The following CCP110 variants were observed in gnomAD, a reference collection of about 807,000 sequenced individuals.
The protein encoded by CCP110 is centriolar coiled-coil protein 110.
A neutral mutation model predicts 105.5 loss-of-function variants in CCP110; 43 were observed. That is an observed-to-expected ratio of 0.41 (90% CI 0.32 to 0.53). The LOEUF (loss-of-function observed/expected upper bound fraction) is 0.53. CCP110 is among the 20% of genes least tolerant of loss of function. The probability of loss-of-function intolerance (pLI) is 0.32; values close to 1 mark genes in which losing one functional copy is unlikely to be tolerated. For synonymous variants in CCP110, 353 were observed against 392.1 expected (o/e 0.90, Z 1.18); for missense variants, 1,016 against 1,189.1 (o/e 0.85, Z 2.14).
exon 7 of CCP110, chr16:19,542,628 A>C (rs72767539): frequency 0.034 from 55,504 of 1,609,354 alleles, 1,158 homozygotes; most frequent in Non-Finnish European, 0.04. Flanking sequence ...TAGGTTTCAC[A>C]AATTCTGCCA....
At chr16:19,530,645 T>C (rs1444629384) in intron 2 of CCP110, among the ~76,000 whole-genome samples, 1 of 150,286 alleles carries the variant, frequency 6.7e-6, no homozygotes, top group Non-Finnish European at 1.5e-5. Flanking sequence ...ATCGAGCCAC[T>C]GCACAACAGC....
chr16:19,529,251 C>T (rs1404128986), intron 2 of CCP110, among the ~76,000 whole-genome samples: 4 of 152,292 alleles, frequency 2.6e-5, no homozygotes, highest in South Asian at 2.1e-4. Context: ...CTTCATCATA[C>T]ACCCTTTGAT....
chr16:19,543,140 C>A, intron 8 of CCP110, 146 bp downstream of exon 8: 1 of 571,300 alleles, frequency 1.8e-6, no homozygotes, highest in Non-Finnish European at 3.1e-6. Context: ...TTGTTTGTTG[C>A]GGGAAGTCAG....
chr16:19,541,670 GAGAGAGAGAGAGAA>G (rs1970288463), intron 5 of CCP110, among the ~76,000 whole-genome samples: 1 of 147,624 alleles, frequency 6.8e-6, no homozygotes, highest in Admixed American at 6.8e-5. Context: ...GAGAGAGAGA[GAGAGAGAGAGAGAA>G]AGGAAGGAAG....
chr16:19,528,822 T>A (rs1180694626), intron 2 of CCP110, among the ~76,000 whole-genome samples: 1 of 152,084 alleles, frequency 6.6e-6, no homozygotes, highest in African/African-American at 2.4e-5. Flanking sequence ...CGCTTGAACC[T>A]AGGAGTTGCA....
At chr16:19,544,671 C>G in intron 8 of CCP110, 126 bp from the exon 9 acceptor site, 1 of 611,630 alleles carries the variant, frequency 1.6e-6, no homozygotes, top group Non-Finnish European at 2.9e-6. Context: ...ATTCATGGAA[C>G]CAGTCCCCCA....
At chr16:19,534,872 C>CTTTTTTTTTTTTTTTTTTTTT in intron 3 of CCP110, among the ~76,000 whole-genome samples, 1 of 100,536 alleles carries the variant, frequency 9.9e-6, no homozygotes, top group Non-Finnish European at 1.9e-5. Flanking sequence ...AATATTCAGA[C>CTTTTTTTTTTTTTTTTTTTTT]TTTTTTTTTT....
chr16:19,529,007 A>G (rs937791395), intron 2 of CCP110, among the ~76,000 whole-genome samples: 6 of 152,216 alleles, frequency 3.9e-5, no homozygotes, highest in African/African-American at 1.4e-4. Flanking sequence ...TTGCTTTGCT[A>G]CTTACTTGCT....
chr16:19,536,721 A>G, exon 4 of CCP110: 7 of 1,614,210 alleles, frequency 4.3e-6, no homozygotes, highest in Non-Finnish European at 5.9e-6. Flanking sequence ...GTTACCGAAA[A>G]TAATGTTATC....
intron 1 of CCP110, 104 bp from the exon 2 acceptor site, chr16:19,527,763 G>A: frequency 2.5e-6 from 2 of 815,610 alleles, no homozygotes; most frequent in Admixed American, 6.9e-5. Context: ...ACCAGTTATA[G>A]GAATTGTGAA....
rs1327500981 is a variant in CCP110 at position 19,529,028 on chromosome 16, G to T, written c.141+1006G>T. On this transcript the variant is annotated intron_variant, in intron 2 of 14. Transcript: ENST00000381396. ...TGCTACTTACTTGCTGTGTAAACTTGTGGTCCATTTTCTTATTTGTTAAAT... is the reference window on the plus strand; with the variant it reads ...TGCTACTTACTTGCTGTGTAAACTTTTGGTCCATTTTCTTATTTGTTAAAT... Among the ~76,000 whole-genome samples the T allele has an allele frequency of 2.6e-5, 4 of 152,324 alleles. No individual in the cohort carries two copies. In the East Asian group the frequency reaches 7.7e-4, roughly 29 times the overall value.
At chr16:19,549,515 CAT>C (rs1039922688) in intron 14 of CCP110, among the ~76,000 whole-genome samples, 1 of 152,092 alleles carries the variant, frequency 6.6e-6, no homozygotes, top group Non-Finnish European at 1.5e-5. Flanking sequence ...GAAGGTAATT[CAT>C]AGTGTCACAC....
At chr16:19,544,730 AAAG>A in intron 8 of CCP110, 64 bp from the exon 9 acceptor site, 1 of 850,286 alleles carries the variant, frequency 1.2e-6, no homozygotes, top group South Asian at 1.5e-5. Flanking sequence ...GAAAAAGAAA[AAAG>A]CAAACTCCAG....
Position 19,542,880 on chromosome 16 carries a change from T to C in CCP110, c.2370T>C (p.Val790=). 1.9e-6 allele frequency: 3 copies of C among 1,599,074 alleles called. No individual in the cohort carries two copies. In the South Asian group the frequency reaches 3.3e-5, roughly 18 times the overall value. The change falls in exon 8 of 15, where the codon GTT becomes GTC. Residue 790 remains valine (V), a splice_region_variant and synonymous_variant. Coordinates refer to ENST00000381396, the Ensembl canonical transcript of CCP110. ...TGTGTCTGTCTTCTTTCTCCTAGGT[T>C]TTTAGTCTGGAAATACAAGCAAAAT...
At position 19,526,228 on chromosome 16, in the gene CCP110, G is replaced by C. The variant is rs528568435; in HGVS notation, c.-15-1639G>C. 2.6e-5 allele frequency: 4 copies of C among 152,304 alleles called. No homozygotes were observed. In the East Asian group the frequency reaches 7.7e-4, roughly 29 times the overall value. The allele number at this position is 152,304 out of a possible 1,614,324, so 9.4% of individuals were successfully genotyped here. ...GAAAAATAAAACTATGGCCATAAAAGTATTATATTTCCTTAATAATTTCCC... is the reference window on the plus strand; with the variant it reads ...GAAAAATAAAACTATGGCCATAAAACTATTATATTTCCTTAATAATTTCCC... On this transcript the variant is annotated intron_variant, in intron 1 of 14. Transcript: ENST00000381396.
chr16:19,545,714 A>G, intron 10 of CCP110, 103 bp from the exon 11 acceptor site: 1 of 685,306 alleles, frequency 1.5e-6, no homozygotes, highest in Non-Finnish European at 2.6e-6. Context: ...TAAAAATGTT[A>G]GTAGAGAGAA....
chr16:19,535,190 C>T (rs1460456557), intron 3 of CCP110, among the ~76,000 whole-genome samples: 1 of 152,114 alleles, frequency 6.6e-6, no homozygotes, highest in Non-Finnish European at 1.5e-5. Flanking sequence ...AGTAGTCAGG[C>T]TTTTGATGTC....
In CCP110 at chr16:19,546,484, A is replaced by G; in HGVS notation, c.2840+10A>G. 1 of 1,536,450 alleles carries G rather than the reference A, an allele frequency of 6.5e-7. No individual in the cohort carries two copies. The highest frequency in any genetic ancestry group is 9.0e-7 in the Non-Finnish European group (1 of 1,111,714). On this transcript the variant is annotated intron_variant, in intron 12 of 14. Transcript: ENST00000381396. ...ATCCTTCTGAAACAAGGTGAGAAAA[A>G]TCACTTAGTCTTAATGAGAGGCTTT...
intron 10 of CCP110, 88 bp downstream of exon 10, chr16:19,545,298 T>C: frequency 1.6e-6 from 1 of 612,068 alleles, no homozygotes; most frequent in Non-Finnish European, 2.8e-6. Flanking sequence ...TTCAGCACCC[T>C]TCTTCTGATA....
Sources: allele counts gnomAD v4.1 joint callset (sites outside exome capture counted in the v4.1 genomes callset), GRCh38; gene constraint gnomAD v4.1.1; transcripts MANE v1.5; gene names NCBI Gene and HGNC (gene_info 2026-07-23, HGNC 2026-07-21).